DLGAP2: variants seen among roughly 807,000 people sequenced by gnomAD.
DLGAP2 encodes DLG associated protein 2, also known as disks large-associated protein 2.
A neutral mutation model predicts 100.3 loss-of-function variants in DLGAP2; 26 were observed. The ratio of observed to expected loss-of-function variants is 0.26; its 90% CI spans 0.19 to 0.36. The LOEUF (loss-of-function observed/expected upper bound fraction) is 0.36, where lower values mean the gene tolerates loss of function less well. Ranked by LOEUF, DLGAP2 falls within the 10% of genes least tolerant of loss-of-function variation. The pLI is 1.00. For missense variants in DLGAP2, 1,858 were observed against 1,453.2 expected, an observed-to-expected ratio of 1.28 and a Z score of -4.53; for synonymous variants, 886 against 630.1, an observed-to-expected ratio of 1.41 and a Z score of -6.08.
rs1302146231 is a variant in DLGAP2 at position 1,376,417 on chromosome 8, G to A, written c.106+117534G>A. 2.0e-5 allele frequency among the ~76,000 whole-genome samples: 3 copies of A among 152,250 alleles called. No individual in the cohort carries two copies. The East Asian group carries it at 5.8e-4, about 29-fold the overall frequency. On this transcript the variant is annotated intron_variant, in intron 3 of 14. Transcript: ENST00000637795. ...TCCTTGAAAAGCGCCCCGCTGCATG[G>A]CCTCTGTGCCCACCTGCTGGTGGCA...
intron 2 of DLGAP2, among the ~76,000 whole-genome samples, chr8:1,112,846 T>G (rs1805003338): frequency 2.0e-5 from 3 of 152,230 alleles, no homozygotes; most frequent in Non-Finnish European, 4.4e-5. Flanking sequence ...GGTTTTACAT[T>G]TAAGTCTTTA....
intron 3 of DLGAP2, among the ~76,000 whole-genome samples, chr8:1,341,360 C>A (rs531128651): frequency 1.4e-4 from 21 of 152,162 alleles, no homozygotes; most frequent in Non-Finnish European, 2.6e-4. Flanking sequence ...GGCATACTTT[C>A]TTTTTGCAGT....
chr8:1,528,025 A>T (rs1800852731), intron 4 of DLGAP2, among the ~76,000 whole-genome samples: 1 of 152,252 alleles, frequency 6.6e-6, no homozygotes, highest in African/African-American at 2.4e-5. Context: ...TCCTTACTGA[A>T]AGAGGCTTAA....
At chr8:1,114,319 A>C (rs1348282191) in intron 2 of DLGAP2, among the ~76,000 whole-genome samples, 1 of 152,066 alleles carries the variant, frequency 6.6e-6, no homozygotes, top group Non-Finnish European at 1.5e-5. Context: ...CTGTAAATTC[A>C]TCTGTCCTGG....
At position 834,194 on chromosome 8, in the gene DLGAP2, T is replaced by G. The variant is rs548576196; in HGVS notation, c.19-73718T>G. ...TCCACTCATGGAAGAAGCGGAGGAG[T>G]AGACCATGGGCTGACGAGTCCCAGT... On this transcript the variant is annotated intron_variant, in intron 1 of 14. Coordinates refer to ENST00000637795, the MANE Select transcript of DLGAP2 (RefSeq NM_001346810.2). Among the ~76,000 whole-genome samples the G allele has an allele frequency of 1.1e-4, 16 of 152,188 alleles. No homozygotes were observed. The South Asian group carries it at 1.5e-3, about 14-fold the overall frequency.
intron 2 of DLGAP2, among the ~76,000 whole-genome samples, chr8:1,093,183 C>T (rs540909657): frequency 2.0e-5 from 3 of 152,304 alleles, no homozygotes; most frequent in East Asian, 3.9e-4. Context: ...CACAGTCCAC[C>T]AATCTAACCA....
At chr8:963,794 C>G (rs1036683425) in intron 2 of DLGAP2, among the ~76,000 whole-genome samples, 4 of 152,144 alleles carry the variant, frequency 2.6e-5, no homozygotes, top group Admixed American at 6.5e-5. Flanking sequence ...TTCCATTAAA[C>G]ATTACATAAA....
At chr8:1,229,245 TAGAA>T (rs1315110139) in intron 2 of DLGAP2, among the ~76,000 whole-genome samples, 6 of 151,634 alleles carry the variant, frequency 4.0e-5, no homozygotes, top group South Asian at 2.1e-4. Context: ...GCTGGTTTCA[TAGAA>T]AGAGGAGTTC....
intron 2 of DLGAP2, among the ~76,000 whole-genome samples, chr8:1,021,417 G>A (rs1455977432): frequency 6.6e-6 from 1 of 152,158 alleles, no homozygotes; most frequent in Non-Finnish European, 1.5e-5. Flanking sequence ...CATTTCTCTT[G>A]TTTGACTCGA....
chr8:1,202,682 G>A (rs1015002255), intron 2 of DLGAP2, among the ~76,000 whole-genome samples: 3 of 152,158 alleles, frequency 2.0e-5, no homozygotes, highest in Non-Finnish European at 2.9e-5. Context: ...AGTCAAGGCA[G>A]CAAGTGGGGC....
rs564132433 is a variant in DLGAP2, at chr8:1,424,089, A to T, written c.107-77277A>T. Among the ~76,000 whole-genome samples, 5 of 152,336 alleles carry T rather than the reference A, an allele frequency of 3.3e-5. No individual in the cohort carries two copies. In the South Asian group the frequency reaches 1.0e-3, roughly 32 times the overall value. ...GATACTCTCCCATGGCACTCAGAGG[A>T]CACCAGCATGAAGGTCCTTGTGAAC... On this transcript the variant is annotated intron_variant, in intron 3 of 14. Transcript: ENST00000637795.
intron 8 of DLGAP2, among the ~76,000 whole-genome samples, chr8:1,647,488 CAAAAAAAAAAAAAAAAAAA>C (rs567451595): frequency 0.01 from 457 of 44,964 alleles, 12 homozygotes; most frequent in African/African-American, 0.02. Flanking sequence ...GACTCTGTCT[CAAAAAAAAAAAAAAAAAAA>C]AAAAAAAAAA....
At chr8:814,301 C>T (rs183108551) in intron 1 of DLGAP2, among the ~76,000 whole-genome samples, 63 of 152,290 alleles carry the variant, frequency 4.1e-4, no homozygotes, top group Non-Finnish European at 7.1e-4. Context: ...GCTCCAGATG[C>T]CATGTTTGCA....
At chr8:1,448,959 C>G (rs1798061106) in intron 3 of DLGAP2, among the ~76,000 whole-genome samples, 1 of 152,184 alleles carries the variant, frequency 6.6e-6, no homozygotes, top group South Asian at 2.1e-4. Flanking sequence ...AAGTCTGTGT[C>G]CTTAGGTCAC....
At chr8:1,557,445 A>T (rs746994507) in intron 5 of DLGAP2, among the ~76,000 whole-genome samples, 9 of 151,982 alleles carry the variant, frequency 5.9e-5, no homozygotes, top group Non-Finnish European at 1.2e-4. Flanking sequence ...AGGACACAGG[A>T]TGGGGCAGAG....
At chr8:789,053 G>C (rs117813517) in intron 1 of DLGAP2, among the ~76,000 whole-genome samples, 2 of 152,306 alleles carry the variant, frequency 1.3e-5, no homozygotes, top group East Asian at 3.9e-4. Context: ...TTTTCTTCCT[G>C]TTGAGTTTCG....
intron 2 of DLGAP2, among the ~76,000 whole-genome samples, chr8:1,023,857 A>ATGTGTGTGTGTG (rs149206104): frequency 0.092 from 11,846 of 128,764 alleles, 785 homozygotes; most frequent in Non-Finnish European, 0.13. Flanking sequence ...AACTTTATAT[A>ATGTGTGTGTGTG]TGTGTGTGTG....
chr8:889,809 T>G (rs953420275), intron 1 of DLGAP2, among the ~76,000 whole-genome samples: 1 of 152,248 alleles, frequency 6.6e-6, no homozygotes, highest in Non-Finnish European at 1.5e-5. Flanking sequence ...CCAGGAGTTC[T>G]GTAGGCTTAA....
At position 1,462,451 on chromosome 8, in the gene DLGAP2, G is replaced by A. The variant is rs796797481; in HGVS notation, c.107-38915G>A. Among the ~76,000 whole-genome samples the A allele has an allele frequency of 2.0e-4, 19 of 96,676 alleles. 1 individual carries two copies. The highest frequency in any genetic ancestry group is 2.8e-4 in the Non-Finnish European group (13 of 46,666). The allele number at this position is 96,676 out of a possible 152,430, so 63.4% of individuals were successfully genotyped here. On this transcript the variant is annotated intron_variant, in intron 3 of 14. Transcript: ENST00000637795. ...ACTGGGTGCAGTCGCTGATTTGGTG[G>A]CCAGGAGGAGGGAGAAGGGTGGCAT...
Sources: allele counts gnomAD v4.1 joint callset (sites outside exome capture counted in the v4.1 genomes callset), GRCh38; gene constraint gnomAD v4.1.1; transcripts MANE v1.5; gene names NCBI Gene and HGNC (gene_info 2026-07-23, HGNC 2026-07-21).